The following SGCD variants were observed in gnomAD, a reference collection of about 807,000 sequenced individuals.
SGCD encodes the protein sarcoglycan delta, also known as delta-sarcoglycan.
A neutral mutation model predicts 36.6 loss-of-function variants in SGCD; 18 were observed. That is an observed-to-expected ratio of 0.49 (90% confidence interval 0.34 to 0.73). SGCD has a LOEUF of 0.73. Ranked by LOEUF, SGCD falls within the 30% of genes least tolerant of loss-of-function variation. The pLI is 0.01. For synonymous variants in SGCD, 133 were observed against 130.6 expected (o/e 1.02, Z -0.12); for missense variants, 387 against 346.7 (o/e 1.12, Z -0.92).
chr5:155,977,485 A>T (rs1203725894), intron 1 of SGCD, among the ~76,000 whole-genome samples: 2 of 152,102 alleles, frequency 1.3e-5, no homozygotes, highest in African/African-American at 4.8e-5. Context: ...CCTGACATGG[A>T]ATGGTGTTTA....
chr5:156,731,936 C>A (rs1756098249), intron 7 of SGCD, among the ~76,000 whole-genome samples: 1 of 152,074 alleles, frequency 6.6e-6, no homozygotes. Context: ...GGAGTTCACT[C>A]TTGATTTGGC....
intron 1 of SGCD, among the ~76,000 whole-genome samples, chr5:155,927,315 G>T (rs1051098453): frequency 1.3e-5 from 2 of 152,186 alleles, no homozygotes; most frequent in African/African-American, 4.8e-5. Context: ...ATTGGAATGT[G>T]ATAGTGATTA....
chr5:156,177,564 T>C (rs4704985), intron 3 of SGCD, among the ~76,000 whole-genome samples: 89,863 of 151,944 alleles, frequency 0.59, 27,623 homozygotes, highest in East Asian at 0.94. Context: ...TTTGTTTGTT[T>C]AATGAGCTAT....
chr5:156,093,871 T>C (rs1761309775), intron 1 of SGCD, among the ~76,000 whole-genome samples: 1 of 152,220 alleles, frequency 6.6e-6, no homozygotes, highest in Non-Finnish European at 1.5e-5. Context: ...TAAGGTGGGT[T>C]GGAACTTTTC....
chr5:155,796,458 G>T, the SGCD span, among the ~76,000 whole-genome samples: 3 of 151,792 alleles, frequency 2.0e-5, no homozygotes, highest in African/African-American at 7.3e-5. Context: ...GCAGTGAATA[G>T]ATGATAAGTT....
chr5:156,676,430 TC>T (rs1753510891), intron 7 of SGCD, among the ~76,000 whole-genome samples: 1 of 152,208 alleles, frequency 6.6e-6, no homozygotes, highest in African/African-American at 2.4e-5. Flanking sequence ...GCAGTATTTT[TC>T]AAAGGGCTGG....
chr5:155,732,252 G>A, the SGCD span, among the ~76,000 whole-genome samples: 1 of 152,184 alleles, frequency 6.6e-6, no homozygotes, highest in Non-Finnish European at 1.5e-5. Flanking sequence ...TTTAGCTGAG[G>A]AAACTGAGAC....
rs144422899 is a variant in SGCD, at chr5:156,047,387, C to G, written c.-281-70491C>G. ...AAGATGATGTCTAGGACTTTCATAG[C>G]TAAAGGGGAGAAGTCAATGCCTGGC... is the stretch of plus-strand genomic sequence containing the variant. On this transcript the variant is annotated intron_variant, in intron 1 of 9. Coordinates refer to the SGCD transcript ENST00000517913. Among the ~76,000 whole-genome samples the G allele has an allele frequency of 4.6e-4, 70 of 152,254 alleles. 2 individuals carry two copies. The East Asian group carries it at 0.013, about 27-fold the overall frequency.
At chr5:155,745,939 AT>A in the SGCD span, among the ~76,000 whole-genome samples, 4 of 152,224 alleles carry the variant, frequency 2.6e-5, no homozygotes, top group Admixed American at 2.6e-4. Context: ...GAAATAAAAC[AT>A]TGGCCTACTC....
intron 1 of SGCD, among the ~76,000 whole-genome samples, chr5:156,070,408 G>T (rs1004075017): frequency 6.6e-6 from 1 of 151,236 alleles, no homozygotes; most frequent in Non-Finnish European, 1.5e-5. Context: ...TTTGTCTTTG[G>T]TTCTGTTTAT....
the SGCD span, among the ~76,000 whole-genome samples, chr5:155,750,039 A>C: frequency 1.3e-5 from 2 of 152,158 alleles, no homozygotes; most frequent in Non-Finnish European, 2.9e-5. Flanking sequence ...AAAGTAATAC[A>C]TCCATTTTTT....
At chr5:156,614,338 A>G (rs1013509127) in intron 6 of SGCD, among the ~76,000 whole-genome samples, 11 of 152,252 alleles carry the variant, frequency 7.2e-5, no homozygotes, top group African/African-American at 2.7e-4. Flanking sequence ...TGGCAGAGTC[A>G]GGATCTAAAT....
intron 1 of SGCD, among the ~76,000 whole-genome samples, chr5:155,900,985 G>A (rs1273418076): frequency 6.6e-6 from 1 of 151,974 alleles, no homozygotes. Context: ...CTGGAGTTTT[G>A]GCATGTGTCT....
chr5:155,820,096 A>G, the SGCD span, among the ~76,000 whole-genome samples: 1 of 152,180 alleles, frequency 6.6e-6, no homozygotes, highest in Non-Finnish European at 1.5e-5. Flanking sequence ...AATAGGGAAA[A>G]CCAGTTGGGT....
At chr5:156,660,404 G>A (rs1462116759) in intron 7 of SGCD, among the ~76,000 whole-genome samples, 1 of 152,302 alleles carries the variant, frequency 6.6e-6, no homozygotes, top group Admixed American at 6.5e-5. Context: ...TCTCCGTGGA[G>A]GCCCTTTTCT....
chr5:156,751,200 G>A (rs192949497), intron 7 of SGCD, among the ~76,000 whole-genome samples: 3 of 152,260 alleles, frequency 2.0e-5, no homozygotes, highest in African/African-American at 7.2e-5. Flanking sequence ...CCCCAAAAGA[G>A]AGCCATAAAG....
chr5:156,593,991 G>A (rs189085675), intron 5 of SGCD, among the ~76,000 whole-genome samples: 1 of 152,276 alleles, frequency 6.6e-6, no homozygotes, highest in African/African-American at 2.4e-5. Flanking sequence ...GCTAGGTTCA[G>A]TGAGAATGAT....
chr5:156,518,676 C>T (rs1326837790), intron 4 of SGCD, among the ~76,000 whole-genome samples: 4 of 152,096 alleles, frequency 2.6e-5, no homozygotes, highest in Non-Finnish European at 5.9e-5. Context: ...AGCTCAATTA[C>T]ATTAGAACTC....
chr5:155,755,533 G>C, the SGCD span, among the ~76,000 whole-genome samples: 2 of 152,156 alleles, frequency 1.3e-5, no homozygotes, highest in Non-Finnish European at 2.9e-5. Context: ...ATAGCTGAAG[G>C]TTTTCTCTCT....
Sources: allele counts gnomAD v4.1 joint callset (sites outside exome capture counted in the v4.1 genomes callset), GRCh38; gene constraint gnomAD v4.1.1; transcripts MANE v1.5; gene names NCBI Gene and HGNC (gene_info 2026-07-23, HGNC 2026-07-21).